The following HNRNPD variants were observed in gnomAD, a reference collection of about 807,000 sequenced individuals.
HNRNPD encodes heterogeneous nuclear ribonucleoprotein D0.
A neutral mutation model predicts 47.9 loss-of-function variants in HNRNPD; 3 were observed. The ratio of observed to expected loss-of-function variants is 0.06; its 90% CI spans 0.03 to 0.16. HNRNPD has a LOEUF of 0.16. Among genes scored for constraint, HNRNPD ranks in the 10% least tolerant of loss-of-function variants. The pLI is 1.00. For synonymous variants in HNRNPD, 171 were observed against 165.1 expected (o/e 1.04, Z -0.28); for missense variants, 287 against 454.2 (o/e 0.63, Z 3.35).
chr4:82,372,998 TGGA>T (rs1720143158), intron 1 of HNRNPD: 2 of 372,164 alleles, frequency 5.4e-6, no homozygotes, highest in Non-Finnish European at 1.1e-5. Context: ...TTCAGGATGG[TGGA>T]GAAGCACCAA....
intron 1 of HNRNPD, among the ~76,000 whole-genome samples, chr4:82,372,136 A>G (rs1720076402): frequency 6.6e-6 from 1 of 151,800 alleles, no homozygotes; most frequent in African/African-American, 2.4e-5. Context: ...CTTTCTCTTT[A>G]CAGTTAAAAA....
At position 82,372,483 on chromosome 4, in the gene HNRNPD, A is replaced by G. The variant is rs574806656; in HGVS notation, c.234-899T>C. Among the ~76,000 whole-genome samples, 13 of 152,306 alleles carry G rather than the reference A, an allele frequency of 8.5e-5. 1 individual carries two copies. The highest frequency in any genetic ancestry group is 8.3e-4 in the South Asian group (4 of 4,832). Reference sequence around the variant, plus strand: ...GCCTCCCTTAGTGGGCGGGAAACAGATATCAAGACACCAAAATAGGATCCT... The same window carrying G: ...GCCTCCCTTAGTGGGCGGGAAACAGGTATCAAGACACCAAAATAGGATCCT... On this transcript the variant is annotated intron_variant, in intron 1 of 8. Coordinates refer to ENST00000313899, the MANE Select transcript of HNRNPD (RefSeq NM_031370.3).
In HNRNPD at chr4:82,357,208, G is replaced by C. The variant is rs886487063; in HGVS notation, c.753+105C>G. ...GTCAATGGTAAGTAACCAATGAGAA[G>C]TTTTTAAAGCATGCAAAGAACTTAA... On this transcript the variant is annotated intron_variant, in intron 5 of 8. Transcript: ENST00000313899. 3 of 1,310,018 alleles carry C rather than the reference G, an allele frequency of 2.3e-6. No homozygotes were observed. The African/African-American group carries it at 4.4e-5, about 19-fold the overall frequency. 81.1% of individuals were successfully genotyped at this position (1,310,018 alleles called of 1,614,324 possible).
intron 2 of HNRNPD, among the ~76,000 whole-genome samples, chr4:82,369,801 T>C (rs958242941): frequency 1.1e-4 from 17 of 152,050 alleles, no homozygotes; most frequent in Non-Finnish European, 1.5e-5. Context: ...AAGTCAAATA[T>C]TAGAGCCCTT....
intron 4 of HNRNPD, 75 bp from the exon 5 acceptor site, chr4:82,357,519 G>A (rs963681869): frequency 7.9e-7 from 1 of 1,266,770 alleles, no homozygotes; most frequent in Non-Finnish European, 1.1e-6. Context: ...GTTTAGAGGG[G>A]GGAAAACACA....
In HNRNPD at chr4:82,373,855, C is replaced by T. The variant is rs1472566395; in HGVS notation, c.-177G>A. The stretch of plus-strand genomic sequence containing the variant: ...TCCTGCGCCTCTCCCTGGCCTGCCC[C>T]CTTCGCCTCCCACTCTCGCGCGGCG... On this transcript the variant is annotated 5_prime_UTR_variant, in exon 1 of 9. Transcript: ENST00000313899. The T allele has an allele frequency of 1.2e-5, 16 of 1,361,544 alleles. No individual in the cohort carries two copies. In the East Asian group the frequency reaches 2.3e-4, roughly 20 times the overall value. The allele number at this position is 1,361,544 out of a possible 1,614,324, so 84.3% of individuals were successfully genotyped here.
Position 82,356,825 on chromosome 4 carries a change from A to T in HNRNPD, c.824T>A (p.Phe275Tyr), listed in dbSNP as rs770283756. The change falls in exon 6 of 9, where the codon TTT becomes TAT. Residue 275 changes from phenylalanine (F) to tyrosine (Y), a missense_variant. Around this residue, in one of 5 missense-constraint regions of HNRNPD, gnomAD observed 65 missense variants for 107.1 expected, o/e 0.61. Transcript: ENST00000313899. The stretch of plus-strand genomic sequence containing the variant: ...ACCTCTTCCACGAGCTCTTCCTGCA[A>T]ATCCTCCTCTAGATCCCCACTGTTG... ...QQQQWGSRGG[F>Y]AGRARGRGGG... 1.2e-6 allele frequency: 2 copies of T among 1,614,142 alleles called. No individual in the cohort carries two copies. Among genetic ancestry groups the T allele is most frequent in the Non-Finnish European group, 1.7e-6 (2 of 1,179,990 alleles).
chr4:82,355,173 T>G (rs1723663264), intron 8 of HNRNPD, 131 bp downstream of exon 8: 1 of 642,880 alleles, frequency 1.6e-6, no homozygotes, highest in Non-Finnish European at 2.7e-6. Context: ...TCTTTGAAAG[T>G]CACTATGTTA....
In HNRNPD at chr4:82,356,821, TG is replaced by T; in HGVS notation, c.827del (p.Ala276GlufsTer93). 6.2e-7 allele frequency: 1 copy of T among 1,614,146 alleles called. No homozygotes were observed. Among genetic ancestry groups the T allele is most frequent in the Non-Finnish European group, 8.5e-7 (1 of 1,179,972 alleles). ...CACCACCTCTTCCACGAGCTCTTCC[TG>T]CAAATCCTCCTCTAGATCCCCACTG... is the stretch of plus-strand genomic sequence containing the variant. ...QQQWGSRGGF[A>X]GRARGRGGGP... On this transcript the variant is annotated frameshift_variant, in exon 6 of 9. Transcript: ENST00000313899. LOFTEE classifies it high-confidence loss of function.
At chr4:82,361,527 C>T (rs1176047962) in intron 2 of HNRNPD, among the ~76,000 whole-genome samples, 3 of 152,148 alleles carry the variant, frequency 2.0e-5, no homozygotes, top group Non-Finnish European at 4.4e-5. Flanking sequence ...CACAACAGTT[C>T]TAACAAAAAC....
chr4:82,362,559 T>C (rs1277007355), intron 2 of HNRNPD, among the ~76,000 whole-genome samples: 4 of 152,102 alleles, frequency 2.6e-5, no homozygotes, highest in Admixed American at 2.6e-4. Flanking sequence ...TTCTATTCCA[T>C]CTTTACTAAA....
rs1039252006 is a variant in HNRNPD, at chr4:82,373,513, T to C, written c.166A>G (p.Thr56Ala). Residue 56 changes from threonine to alanine, a missense_variant, in exon 1 of 9, where the codon ACC (threonine) becomes GCC (alanine). Transcript: ENST00000313899. ...TCCGACTCGGCGCTGCCCCCTTCGG[T>C]GCCTCCAGACGCGGTTCCGCCCCCG... ...GTGGGTASGG[T>A]EGGSAESEGA... The C allele has an allele frequency of 8.4e-6, 13 of 1,545,642 alleles. No individual in the cohort carries two copies. The highest frequency in any genetic ancestry group is 2.5e-5 in the East Asian group (1 of 40,192).
chr4:82,358,943 T>TTG, intron 3 of HNRNPD, 123 bp from the exon 4 acceptor site: 1 of 724,180 alleles, frequency 1.4e-6, no homozygotes, highest in Non-Finnish European at 2.2e-6. Context: ...TTGCTCAAGA[T>TTG]TAAACTGTCA....
chr4:82,373,830 T>C lies in HNRNPD; in HGVS notation c.-152A>G. 6.8e-7 allele frequency: 1 copy of C among 1,467,456 alleles called. No individual in the cohort carries two copies. Among genetic ancestry groups the C allele is most frequent in the Non-Finnish European group, 9.0e-7 (1 of 1,108,144 alleles). The allele number at this position is 1,467,456 out of a possible 1,614,324, so 90.9% of individuals were successfully genotyped here. A position where few individuals can be genotyped will look rare whatever the true frequency, so the allele number is the denominator to read the frequency against. On this transcript the variant is annotated 5_prime_UTR_variant, in exon 1 of 9. Coordinates refer to ENST00000313899, the MANE Select transcript of HNRNPD (RefSeq NM_031370.3). ...AAGGCGCGCGCGTGGCTGCAAAGGC[T>C]CCTGCGCCTCTCCCTGGCCTGCCCC...
In HNRNPD at chr4:82,373,673, C is replaced by T. The variant is rs943258764; in HGVS notation, c.6G>A (p.Ser2=). 2 of 1,529,518 alleles carry T rather than the reference C, an allele frequency of 1.3e-6. No homozygotes were observed. The highest frequency in any genetic ancestry group is 1.4e-5 in the African/African-American group (1 of 71,882). The allele number at this position is 1,529,518 out of a possible 1,614,324, so 94.7% of individuals were successfully genotyped here. Residue 2 remains serine (S), a synonymous_variant, in exon 1 of 9, where the codon TCG becomes TCA. Coordinates refer to ENST00000313899, the MANE Select transcript of HNRNPD (RefSeq NM_031370.3). M[S]EEQFGGDGAA... ...CCCCGTCCCCGCCGAACTGCTCCTC[C>T]GACATAGTGCTAGTGTCTCCGCCGC... is the stretch of plus-strand genomic sequence containing the variant.
At chr4:82,367,266 G>A (rs527405398) in intron 2 of HNRNPD, among the ~76,000 whole-genome samples, 1 of 152,132 alleles carries the variant, frequency 6.6e-6, no homozygotes, top group East Asian at 1.9e-4. Context: ...AATCAGCTTT[G>A]TAAGGTAAAC....
intron 7 of HNRNPD, chr4:82,355,829 A>C (rs1249437226): frequency 5.8e-6 from 1 of 172,628 alleles, no homozygotes; most frequent in African/African-American, 2.4e-5. Context: ...TTCTGACTTT[A>C]ATTAACCTAT....
At chr4:82,368,432 G>C (rs1401216191) in intron 2 of HNRNPD, among the ~76,000 whole-genome samples, 1 of 152,126 alleles carries the variant, frequency 6.6e-6, no homozygotes, top group Non-Finnish European at 1.5e-5. Flanking sequence ...TTAAGGCAAA[G>C]TATGTGTATC....
intron 3 of HNRNPD, 47 bp downstream of exon 3, chr4:82,359,424 T>A (rs765484926): frequency 8.6e-6 from 11 of 1,285,412 alleles, no homozygotes; most frequent in Non-Finnish European, 1.2e-5. Flanking sequence ...ACTATCCATA[T>A]GTTAATATTT....
Sources: gnomAD v4.1 joint callset for allele counts (sites outside exome capture counted in the v4.1 genomes callset) on GRCh38, gnomAD v4.1.1 for gene constraint, gnomAD v4.1.1 regional missense constraint, MANE v1.5 for transcripts, NCBI Gene and HGNC (gene_info 2026-07-23, HGNC 2026-07-21) for gene names.